The following PIEZO2 variants were observed in gnomAD, a reference collection of about 807,000 sequenced individuals.
PIEZO2 encodes piezo type mechanosensitive ion channel component 2, also known as piezo-type mechanosensitive ion channel component 2.
In PIEZO2, 172 loss-of-function variants were observed where a neutral mutation model predicts 337.3. The ratio of observed to expected loss-of-function variants is 0.51; its 90% CI spans 0.45 to 0.58. The LOEUF (loss-of-function observed/expected upper bound fraction) is 0.58. PIEZO2 is among the 20% of genes least tolerant of loss of function. The probability of loss-of-function intolerance (pLI) is 0.00; values close to 1 mark genes in which losing one functional copy is unlikely to be tolerated. For missense variants in PIEZO2, 3,028 were observed against 3,391.3 expected (o/e 0.89, Z 2.66); for synonymous variants, 1,251 against 1,228.5 (o/e 1.02, Z -0.38).
At chr18:11,138,383 C>T (rs927050558) in intron 1 of PIEZO2, among the ~76,000 whole-genome samples, 1 of 152,216 alleles carries the variant, frequency 6.6e-6, no homozygotes, top group African/African-American at 2.4e-5. Context: ...GCAACCTCTG[C>T]CTCTGGGACT....
At chr18:11,066,103 T>A (rs1169560290) in intron 2 of PIEZO2, 24 bp downstream of exon 2, 22 of 1,492,384 alleles carry the variant, frequency 1.5e-5, no homozygotes, top group Non-Finnish European at 1.9e-5. Flanking sequence ...AACTCTGTGG[T>A]ATACGATAAC....
At chr18:11,019,097 G>A (rs896788252) in intron 2 of PIEZO2, among the ~76,000 whole-genome samples, 3 of 152,030 alleles carry the variant, frequency 2.0e-5, no homozygotes, top group African/African-American at 7.2e-5. Context: ...ATCCAATCCA[G>A]CCCTTCTCCA....
chr18:11,030,353 G>A (rs2036685822), intron 2 of PIEZO2, among the ~76,000 whole-genome samples: 1 of 152,140 alleles, frequency 6.6e-6, no homozygotes, highest in African/African-American at 2.4e-5. Flanking sequence ...AGAGAGTATT[G>A]CTTTTTATTA....
chr18:11,114,978 G>A (rs952891987), intron 1 of PIEZO2, among the ~76,000 whole-genome samples: 15 of 152,148 alleles, frequency 9.9e-5, no homozygotes, highest in African/African-American at 3.6e-4. Context: ...ATCTAAATCT[G>A]GTTATAAGTA....
Position 10,855,635 on chromosome 18 carries a change from A to G in PIEZO2, c.704-69T>C. 8.2e-7 allele frequency: 1 copy of G among 1,214,778 alleles called. No individual in the cohort carries two copies. The highest frequency in any genetic ancestry group is 1.1e-6 in the Non-Finnish European group (1 of 878,994). 75.2% of individuals were successfully genotyped at this position (1,214,778 alleles called of 1,614,324 possible). On this transcript the variant is annotated intron_variant, in intron 6 of 55. Coordinates refer to ENST00000674853, the MANE Select transcript of PIEZO2 (RefSeq NM_001378183.1). The surrounding 1 kb of genome is among the most constrained non-coding windows in gnomAD (Gnocchi z 4.9). ...ATTCACTTATCATTCAGTGAATGTG[A>G]CTATTTGAAATTATGTGAATTTCCT...
rs1374329136 is a variant in PIEZO2 at position 10,735,296 on chromosome 18, G to C, written c.4850C>G (p.Ala1617Gly). Among the ~76,000 whole-genome samples the C allele has an allele frequency of 2.6e-5, 4 of 152,182 alleles. No homozygotes were observed. ...AIGKFASAIL[A>G]LPKSVIKLPK... ...AAGTTTAATGACAGACTTTGGCAAG[G>C]CTAAAATGGCTGATGCAAACTTCCC... Residue 1617 changes from alanine to glycine, a missense_variant, in exon 35 of 56, where the codon GCC (alanine) becomes GGC (glycine). This residue lies in a region of PIEZO2 where 1,925 missense variants were observed against 2,051.9 expected (regional missense o/e 0.94). Transcript: ENST00000674853.
Position 10,961,588 on chromosome 18 carries a change from A to T in PIEZO2, c.286+17947T>A, listed in dbSNP as rs150574945. 3.7e-3 allele frequency among the ~76,000 whole-genome samples: 570 copies of T among 152,298 alleles called. 24 individuals are homozygous for T. The East Asian group carries it at 0.077, about 21-fold the overall frequency. On this transcript the variant is annotated intron_variant, in intron 3 of 55. Coordinates refer to ENST00000674853, the MANE Select transcript of PIEZO2 (RefSeq NM_001378183.1). ...ATAAAATTAAAAACATAAAAATTTT[A>T]AAAAAAGAAAAAAATTTCAAAAAGA...
chr18:10,741,431 T>A (rs2037213844), intron 32 of PIEZO2, among the ~76,000 whole-genome samples: 1 of 152,192 alleles, frequency 6.6e-6, no homozygotes, highest in Admixed American at 6.5e-5. Context: ...AAAGGAAGCA[T>A]CCCCCAAATT....
chr18:11,086,051 T>C (rs2038899183), intron 1 of PIEZO2, among the ~76,000 whole-genome samples: 1 of 152,182 alleles, frequency 6.6e-6, no homozygotes, highest in South Asian at 2.1e-4. Flanking sequence ...TTGTATGTAA[T>C]TGAATTGACA....
intron 11 of PIEZO2, among the ~76,000 whole-genome samples, chr18:10,799,972 C>T (rs77666797): frequency 1.6e-5 from 2 of 128,288 alleles, no homozygotes; most frequent in African/African-American, 3.0e-5. Context: ...GACTCTGTCT[C>T]AAAAAAAAAA....
At position 10,953,193 on chromosome 18, in the gene PIEZO2, C is replaced by T. The variant is rs2033374237; in HGVS notation, c.286+26342G>A. Reference sequence around the variant, plus strand: ...TACTTTATTCCAATTTGTGGCTTGCCTTTTTATTGTATTAACACTGGATTT... The same window carrying T: ...TACTTTATTCCAATTTGTGGCTTGCTTTTTTATTGTATTAACACTGGATTT... On this transcript the variant is annotated intron_variant, in intron 3 of 55. Transcript: ENST00000674853. This position sits in a 1 kb window ranked among gnomAD's most constrained non-coding sequence, Gnocchi z 5.2. Among the ~76,000 whole-genome samples the T allele has an allele frequency of 1.3e-5, 2 of 151,972 alleles. No individual in the cohort carries two copies. Among genetic ancestry groups the T allele is most frequent in the Non-Finnish European group, 2.9e-5 (2 of 67,996 alleles).
Position 11,083,468 on chromosome 18 carries a change from G to C in PIEZO2, c.65-17246C>G, listed in dbSNP as rs999414090. Among the ~76,000 whole-genome samples the C allele has an allele frequency of 6.6e-6, 1 of 152,214 alleles. No individual in the cohort carries two copies. The highest frequency in any genetic ancestry group is 1.5e-5 in the Non-Finnish European group (1 of 68,042). ...TGCTCTCCTCCAGGGAATGATGCTG[G>C]CTGTGGCTTGGGGAAATGGAGGGGA... On this transcript the variant is annotated intron_variant, in intron 1 of 55. Transcript: ENST00000674853. The surrounding 1 kb of genome is among the most constrained non-coding windows in gnomAD (Gnocchi z 4.4).
chr18:10,962,365 C>A lies in PIEZO2; in HGVS notation c.286+17170G>T, dbSNP rs1598750183. Among the ~76,000 whole-genome samples the A allele has an allele frequency of 6.6e-6, 1 of 152,204 alleles. No individual in the cohort carries two copies. Among genetic ancestry groups the A allele is most frequent in the Admixed American group, 6.5e-5 (1 of 15,282 alleles). On this transcript the variant is annotated intron_variant, in intron 3 of 55. Coordinates refer to ENST00000674853, the MANE Select transcript of PIEZO2 (RefSeq NM_001378183.1). This position sits in a 1 kb window ranked among gnomAD's most constrained non-coding sequence, Gnocchi z 4.1. The stretch of plus-strand genomic sequence containing the variant: ...TCGGCTCCCCACAGCCTCATACTCA[C>A]AACTGGCATTTTCCTTCCACACTTT...
rs186764662 is a variant in PIEZO2, at chr18:11,032,905, G to A, written c.160+33222C>T. 9.2e-5 allele frequency among the ~76,000 whole-genome samples: 14 copies of A among 152,326 alleles called. No individual in the cohort carries two copies. Among genetic ancestry groups the A allele is most frequent in the Admixed American group, 2.6e-4 (4 of 15,302 alleles). On this transcript the variant is annotated intron_variant, in intron 2 of 55. Coordinates refer to ENST00000674853, the MANE Select transcript of PIEZO2 (RefSeq NM_001378183.1). The surrounding 1 kb of genome is among the most constrained non-coding windows in gnomAD (Gnocchi z 4.9). ...GTATCTGAGTAGCTCAGAAGACAGA[G>A]AGGAGAACATTGCTGAGGCCCTTCT...
intron 4 of PIEZO2, among the ~76,000 whole-genome samples, chr18:10,905,141 T>C (rs1222975585): frequency 1.3e-5 from 2 of 152,222 alleles, no homozygotes; most frequent in African/African-American, 4.8e-5. Context: ...TGCTAAACTT[T>C]TCAGGAATAT....
rs562692671 is a variant in PIEZO2 at position 11,071,109 on chromosome 18, G to A, written c.65-4887C>T. Among the ~76,000 whole-genome samples the A allele has an allele frequency of 2.1e-4, 32 of 152,264 alleles. No homozygotes were observed. The South Asian group carries it at 5.4e-3, about 26-fold the overall frequency. On this transcript the variant is annotated intron_variant, in intron 1 of 55. Coordinates refer to ENST00000674853, the MANE Select transcript of PIEZO2 (RefSeq NM_001378183.1). The stretch of plus-strand genomic sequence containing the variant: ...TCCATGGGAGAAGAGAACAGGAATC[G>A]AAAAGAAGTTCTTTTTATCCCAAAG...
chr18:11,106,700 C>T (rs1480595610), intron 1 of PIEZO2, among the ~76,000 whole-genome samples: 1 of 152,132 alleles, frequency 6.6e-6, no homozygotes. Context: ...AGGGGTGAGC[C>T]ACTGCACCCA....
intron 3 of PIEZO2, among the ~76,000 whole-genome samples, chr18:10,971,113 T>A (rs1299656843): frequency 6.6e-6 from 1 of 152,122 alleles, no homozygotes; most frequent in East Asian, 1.9e-4. Context: ...CCATGGAACA[T>A]TGACCAACAA....
chr18:11,074,843 C>A (rs1272384964), intron 1 of PIEZO2, among the ~76,000 whole-genome samples: 1 of 152,190 alleles, frequency 6.6e-6, no homozygotes, highest in Admixed American at 6.5e-5. Context: ...GGTTTACGCA[C>A]ACTTTAATTT....
Sources: gnomAD v4.1 joint callset for allele counts (sites outside exome capture counted in the v4.1 genomes callset) on GRCh38, gnomAD v4.1.1 for gene constraint, gnomAD v4.1.1 regional missense constraint, Gnocchi (gnomAD v3.1) non-coding constraint, MANE v1.5 for transcripts, NCBI Gene and HGNC (gene_info 2026-07-23, HGNC 2026-07-21) for gene names.